The following PARVA variants were observed in gnomAD, a reference collection of about 807,000 sequenced individuals.
PARVA encodes the protein parvin alpha, also known as alpha-parvin.
Under a neutral mutation model 52.6 loss-of-function variants are expected in PARVA, and 25 were observed. The ratio of observed to expected loss-of-function variants is 0.48; its 90% CI spans 0.35 to 0.66. The LOEUF (loss-of-function observed/expected upper bound fraction) is 0.66, where lower values mean the gene tolerates loss of function less well. PARVA is among the 30% of genes least tolerant of loss of function. The probability of loss-of-function intolerance (pLI) is 0.01; values close to 1 mark genes in which losing one functional copy is unlikely to be tolerated. For missense variants in PARVA, 373 were observed against 450.9 expected, an observed-to-expected ratio of 0.83 and a Z score of 1.56; for synonymous variants, 185 against 179.1, an observed-to-expected ratio of 1.03 and a Z score of -0.26.
chr11:12,483,259 C>A (rs1941112030), intron 4 of PARVA, among the ~76,000 whole-genome samples: 1 of 152,222 alleles, frequency 6.6e-6, no homozygotes. Context: ...CTTGCCCTGG[C>A]AGCAGATCTT....
intron 1 of PARVA, among the ~76,000 whole-genome samples, chr11:12,460,758 T>C (rs1210618545): frequency 1.3e-5 from 2 of 151,944 alleles, no homozygotes; most frequent in African/African-American, 2.4e-5. Flanking sequence ...GATTCATAAA[T>C]AAGAAGGATA....
chr11:12,527,061 C>T (rs971292760), intron 12 of PARVA, among the ~76,000 whole-genome samples: 3 of 152,208 alleles, frequency 2.0e-5, no homozygotes, highest in Non-Finnish European at 2.9e-5. Flanking sequence ...CAAGGCCTTT[C>T]GGGATCCAGC....
chr11:12,500,125 A>G (rs1051552298), intron 5 of PARVA, among the ~76,000 whole-genome samples: 2 of 152,216 alleles, frequency 1.3e-5, no homozygotes, highest in African/African-American at 2.4e-5. Context: ...GTCATAGTAC[A>G]TAATGTTAAA....
At chr11:12,501,024 C>G (rs538017737) in intron 5 of PARVA, among the ~76,000 whole-genome samples, 1 of 151,804 alleles carries the variant, frequency 6.6e-6, no homozygotes, top group South Asian at 2.1e-4. Flanking sequence ...AGGAGAATCA[C>G]TTGAACCCAG....
In PARVA at chr11:12,534,842, G is replaced by A. The variant is rs560806040; in HGVS notation, c.*6917G>A. ...TGCCTGCCCTTGGCAAATATATGTT[G>A]GTGTATCTGAAAAACAGCTCCTGGA... On this transcript the variant is annotated 3_prime_UTR_variant, in exon 13 of 13. Transcript: ENST00000334956. 6.6e-6 allele frequency among the ~76,000 whole-genome samples: 1 copy of A among 152,290 alleles called. No homozygotes were observed. The highest frequency in any genetic ancestry group is 2.4e-5 in the African/African-American group (1 of 41,562).
chr11:12,514,649 G>A lies in PARVA; in HGVS notation c.867+584G>A, dbSNP rs896169457. 5.9e-5 allele frequency among the ~76,000 whole-genome samples: 9 copies of A among 152,254 alleles called. No individual in the cohort carries two copies. In the South Asian group the frequency reaches 6.2e-4, roughly 11 times the overall value. On this transcript the variant is annotated intron_variant, in intron 10 of 12. Transcript: ENST00000334956. ...ATTACAGGCATGCGCCACCAAGCCC[G>A]GCTAATTTTTTGTATTTAGTAGAGA... is the stretch of plus-strand genomic sequence containing the variant.
chr11:12,518,979 T>A (rs1035875560), intron 12 of PARVA, among the ~76,000 whole-genome samples: 12 of 152,028 alleles, frequency 7.9e-5, no homozygotes, highest in African/African-American at 2.9e-4. Flanking sequence ...GGGGTTTGGG[T>A]TGTAAATATA....
intron 6 of PARVA, among the ~76,000 whole-genome samples, chr11:12,507,537 G>T (rs1394008315): frequency 6.6e-6 from 1 of 152,110 alleles, no homozygotes; most frequent in East Asian, 1.9e-4. Flanking sequence ...GAACACATTT[G>T]TGCGTCCTGC....
At chr11:12,458,311 C>G (rs532217558) in intron 1 of PARVA, among the ~76,000 whole-genome samples, 1 of 152,360 alleles carries the variant, frequency 6.6e-6, no homozygotes, top group African/African-American at 2.4e-5. Context: ...GTGTCATACC[C>G]TACTGAGAGT....
intron 1 of PARVA, among the ~76,000 whole-genome samples, chr11:12,467,057 C>A (rs1222830153): frequency 6.6e-6 from 1 of 152,198 alleles, no homozygotes; most frequent in Non-Finnish European, 1.5e-5. Flanking sequence ...GTTTTATAAT[C>A]TTCTGCATAT....
chr11:12,469,991 A>G (rs974636716), intron 1 of PARVA, among the ~76,000 whole-genome samples: 2 of 152,226 alleles, frequency 1.3e-5, no homozygotes, highest in African/African-American at 4.8e-5. Context: ...AAATTGGCTC[A>G]CTTTGGCTAT....
chr11:12,484,759 G>C (rs77933158), intron 4 of PARVA, among the ~76,000 whole-genome samples: 3,707 of 151,660 alleles, frequency 0.024, 96 homozygotes, highest in East Asian at 0.11. Flanking sequence ...TAGGAGTTTG[G>C]GAAAGGTTTC....
intron 1 of PARVA, among the ~76,000 whole-genome samples, chr11:12,389,041 AG>A (rs1589938050): frequency 1.3e-5 from 2 of 152,096 alleles, no homozygotes; most frequent in African/African-American, 4.8e-5. Flanking sequence ...TCATTATCAG[AG>A]GGATCTGAGT....
chr11:12,430,704 TAAGA>T (rs1203637526), intron 1 of PARVA, among the ~76,000 whole-genome samples: 2 of 152,130 alleles, frequency 1.3e-5, no homozygotes, highest in Non-Finnish European at 2.9e-5. Context: ...AAAAAAGGAA[TAAGA>T]AAGAGGGCCC....
chr11:12,417,166 A>G (rs1480335952), intron 1 of PARVA, among the ~76,000 whole-genome samples: 1 of 152,224 alleles, frequency 6.6e-6, no homozygotes, highest in African/African-American at 2.4e-5. Flanking sequence ...TGATCCAGCA[A>G]TTCCACCTTT....
Position 12,517,630 on chromosome 11 carries a change from G to T in PARVA, c.888G>T (p.Leu296=). The T allele has an allele frequency of 1.2e-6, 2 of 1,600,834 alleles. No individual in the cohort carries two copies. The highest frequency in any genetic ancestry group is 1.7e-6 in the Non-Finnish European group (2 of 1,173,402). ...LETQFADGVY[L]VLLMGLLEGY... ...TCCAGTTTGCAGATGGGGTGTACCT[G>T]GTGCTGCTCATGGGGCTCCTGGAGG... Residue 296 remains leucine, a synonymous_variant, in exon 11 of 13, where the codon CTG becomes CTT. Transcript: ENST00000334956.
intron 12 of PARVA, 86 bp downstream of exon 12, chr11:12,518,603 C>A: frequency 1.0e-6 from 1 of 995,928 alleles, no homozygotes; most frequent in Non-Finnish European, 1.6e-6. Flanking sequence ...CAGAGGGAAG[C>A]ATTTTCTGAA....
Position 12,473,908 on chromosome 11 carries a change from TAA to T in PARVA, c.227-3_227-2del, listed in dbSNP as rs750711630. 8 of 1,572,884 alleles carry T rather than the reference TAA, an allele frequency of 5.1e-6. No homozygotes were observed. The highest frequency in any genetic ancestry group is 6.0e-6 in the Non-Finnish European group (7 of 1,158,842). On this transcript the variant is annotated splice_region_variant and splice_polypyrimidine_tract_variant and intron_variant, in intron 2 of 12. Transcript: ENST00000334956. ...ACCCCCACTGAATTCCTTTTCTTTT[TAA>T]AGAGGAGAATGAGGTGCGAACAATG...
chr11:12,459,377 C>T (rs1052323338), intron 1 of PARVA, among the ~76,000 whole-genome samples: 5 of 151,624 alleles, frequency 3.3e-5, no homozygotes, highest in African/African-American at 1.2e-4. Flanking sequence ...TGCACGCCAG[C>T]TTGGGTAACA....
Sources: gnomAD v4.1 joint callset for allele counts (sites outside exome capture counted in the v4.1 genomes callset) on GRCh38, gnomAD v4.1.1 for gene constraint, MANE v1.5 for transcripts, NCBI Gene and HGNC (gene_info 2026-07-23, HGNC 2026-07-21) for gene names.